The following PAICS variants were observed in gnomAD, a reference collection of about 807,000 sequenced individuals.
The protein encoded by PAICS is phosphoribosylaminoimidazole carboxylase and phosphoribosylaminoimidazolesuccinocarboxamide synthase.
A neutral mutation model predicts 53.7 loss-of-function variants in PAICS; 33 were observed. The ratio of observed to expected loss-of-function variants is 0.61; its 90% CI spans 0.47 to 0.82. The LOEUF is 0.82. PAICS is among the 40% of genes least tolerant of loss of function. The pLI is 0.00. For missense variants in PAICS, 394 were observed against 494.1 expected (o/e 0.80, Z 1.92); for synonymous variants, 141 against 167.2 (o/e 0.84, Z 1.21).
chr4:56,428,109 C>T, the PAICS span, among the ~76,000 whole-genome samples: 1 of 152,116 alleles, frequency 6.6e-6, no homozygotes, highest in Non-Finnish European at 1.5e-5. Context: ...AATATGGACA[C>T]AAAATTTCTT....
At chr4:56,419,346 G>T in the PAICS span, among the ~76,000 whole-genome samples, 1 of 151,820 alleles carries the variant, frequency 6.6e-6, no homozygotes, top group Non-Finnish European at 1.5e-5. Context: ...TAAAGGAGTG[G>T]TATGGAAGAG....
chr4:56,435,964 G>A (rs535195504), upstream of PAICS: 1 of 1,512,936 alleles, frequency 6.6e-7, no homozygotes, highest in Non-Finnish European at 8.9e-7. Flanking sequence ...CCGCAGCCGA[G>A]AAGGGGCCGG....
chr4:56,420,362 T>C, the PAICS span: 2 of 152,226 alleles, frequency 1.3e-5, no homozygotes, highest in African/African-American at 4.8e-5. Context: ...TAGCATCATG[T>C]TGGTGCTCAA....
At chr4:56,436,158 C>T (rs1247132735), upstream of PAICS, 2 of 1,492,574 alleles carry the variant, frequency 1.3e-6, no homozygotes, top group Admixed American at 2.3e-5. Context: ...CATACCCCTC[C>T]GGGTTAGGCG....
In PAICS at chr4:56,450,617, A is replaced by G. The variant is rs931256796; in HGVS notation, c.688-2A>G. On this transcript the variant is annotated splice_acceptor_variant, in intron 5 of 8. Transcript: ENST00000512576. LOFTEE classifies it high-confidence loss of function. ...TTCTAAACTTTCTATCTTATTTTCT[A>G]GTCTTATCGGGACCTCAAAGAAGTA... 1.4e-5 allele frequency: 20 copies of G among 1,452,936 alleles called. No homozygotes were observed. The highest frequency in any genetic ancestry group is 2.0e-5 in the Admixed American group (1 of 50,828). 90.0% of individuals were successfully genotyped at this position (1,452,936 alleles called of 1,614,324 possible). A position where few individuals can be genotyped will look rare whatever the true frequency, so the allele number is the denominator to read the frequency against.
chr4:56,426,583 C>T, the PAICS span, among the ~76,000 whole-genome samples: 1 of 152,102 alleles, frequency 6.6e-6, no homozygotes, highest in Non-Finnish European at 1.5e-5. Flanking sequence ...GGTTCATCCA[C>T]GTTGTAGCAT....
At chr4:56,430,389 G>T in the PAICS span, among the ~76,000 whole-genome samples, 6 of 152,110 alleles carry the variant, frequency 3.9e-5, no homozygotes, top group African/African-American at 1.4e-4. Context: ...TGAGGAAACT[G>T]AGGCATAGAG....
chr4:56,422,930 G>A, the PAICS span: 1 of 149,404 alleles, frequency 6.7e-6, no homozygotes, highest in Non-Finnish European at 1.5e-5. Context: ...AAACTCTGGT[G>A]TTGGGGCCTA....
At chr4:56,450,313 A>G (rs1718842042) in intron 5 of PAICS, among the ~76,000 whole-genome samples, 1 of 152,202 alleles carries the variant, frequency 6.6e-6, no homozygotes, top group African/African-American at 2.4e-5. Flanking sequence ...CATTCTGCAC[A>G]TGTATTTAAA....
the PAICS span, among the ~76,000 whole-genome samples, chr4:56,427,623 A>T: frequency 6.7e-6 from 1 of 149,534 alleles, no homozygotes; most frequent in African/African-American, 2.5e-5. Context: ...CCTCGGCAAC[A>T]TAGTGAGACC....
chr4:56,436,820 C>T (rs1258901819), intron 1 of PAICS, among the ~76,000 whole-genome samples: 1 of 152,132 alleles, frequency 6.6e-6, no homozygotes, highest in Non-Finnish European at 1.5e-5. Flanking sequence ...CATGGCGAAA[C>T]CCCGTCTCTT....
chr4:56,410,856 TG>T, the PAICS span: 7 of 963,124 alleles, frequency 7.3e-6, no homozygotes, highest in Non-Finnish European at 8.5e-6. Flanking sequence ...GGCAGGTACC[TG>T]GAAACGCTCA....
At chr4:56,437,110 C>A (rs928422019) in intron 1 of PAICS, among the ~76,000 whole-genome samples, 1 of 146,944 alleles carries the variant, frequency 6.8e-6, no homozygotes, top group Non-Finnish European at 1.5e-5. Context: ...GCCACGATAG[C>A]TTGGGGTGTG....
At chr4:56,441,631 A>G in intron 1 of PAICS, 32 bp from the exon 2 acceptor site, 1 of 1,125,526 alleles carries the variant, frequency 8.9e-7, no homozygotes, top group Non-Finnish European at 1.2e-6. Context: ...GAAGTTTCTG[A>G]ATTTTGGTCT....
At chr4:56,446,473 G>A (rs1445127340) in intron 2 of PAICS, 9 of 694,738 alleles carry the variant, frequency 1.3e-5, no homozygotes, top group Admixed American at 8.5e-5. Flanking sequence ...CAGGAATTTC[G>A]TTCCTTTTTA....
the PAICS span, among the ~76,000 whole-genome samples, chr4:56,414,813 G>A: frequency 6.6e-6 from 1 of 152,266 alleles, no homozygotes; most frequent in East Asian, 1.9e-4. Context: ...TTCTCTAAAG[G>A]TAATTCTTAC....
chr4:56,417,402 C>A, the PAICS span, among the ~76,000 whole-genome samples: 1 of 151,752 alleles, frequency 6.6e-6, no homozygotes, highest in African/African-American at 2.4e-5. Context: ...ATGAACCTGA[C>A]AAAAGTTATT....
rs755074583 is a variant in PAICS at position 56,436,341 on chromosome 4, G to A, written c.16+13G>A. The A allele has an allele frequency of 1.3e-6, 2 of 1,579,080 alleles. No homozygotes were observed. The highest frequency in any genetic ancestry group is 2.3e-5 in the South Asian group (2 of 87,800). ...GCGACAGCTGAGGGTGAGTAACAGG[G>A]ATCCGGGCCCTTCACGGTCTCCCTG... On this transcript the variant is annotated intron_variant, in intron 1 of 8. Transcript: ENST00000512576.
chr4:56,433,776 C>T (rs1435422017), upstream of PAICS, among the ~76,000 whole-genome samples: 1 of 151,450 alleles, frequency 6.6e-6, no homozygotes, highest in African/African-American at 2.4e-5. Context: ...CTCTCTGGAA[C>T]CTAAGCCTCC....
Sources: gnomAD v4.1 joint callset for allele counts (sites outside exome capture counted in the v4.1 genomes callset) on GRCh38, gnomAD v4.1.1 for gene constraint, MANE v1.5 for transcripts, NCBI Gene and HGNC (gene_info 2026-07-23, HGNC 2026-07-21) for gene names.